The following RHBDD2 variants were observed in gnomAD, a reference collection of about 807,000 sequenced individuals.
RHBDD2 encodes the protein rhomboid domain-containing protein 2.
RHBDD2 carries 13 observed loss-of-function variants against 21.7 expected under a neutral mutation model. The ratio of observed to expected loss-of-function variants is 0.60; its 90% CI spans 0.39 to 0.95. RHBDD2 has a LOEUF of 0.95. Ranked by LOEUF, RHBDD2 falls within the 40% of genes least tolerant of loss-of-function variation. The probability of loss-of-function intolerance (pLI) is 0.00; values close to 1 mark genes in which losing one functional copy is unlikely to be tolerated. For missense variants in RHBDD2, 473 were observed against 478.9 expected, an observed-to-expected ratio of 0.99 and a Z score of 0.11; for synonymous variants, 225 against 220.0, an observed-to-expected ratio of 1.02 and a Z score of -0.20.
intron 1 of RHBDD2, chr7:75,881,338 T>C: frequency 7.8e-7 from 1 of 1,289,660 alleles, no homozygotes; most frequent in South Asian, 1.2e-5. Context: ...AAATAATTCA[T>C]GGTCCCTTTT....
In RHBDD2 at chr7:75,879,194, C is replaced by G; in HGVS notation, c.112C>G (p.Leu38Val). 6.6e-7 allele frequency: 1 copy of G among 1,519,526 alleles called. No homozygotes were observed. The highest frequency in any genetic ancestry group is 8.8e-7 in the Non-Finnish European group (1 of 1,131,948). 94.1% of individuals were successfully genotyped at this position (1,519,526 alleles called of 1,614,324 possible). A position where few individuals can be genotyped will look rare whatever the true frequency, so the allele number is the denominator to read the frequency against. The change falls in exon 1 of 4, where the codon CTG becomes GTG. Residue 38 changes from leucine to valine, a missense_variant. By Grantham distance (32) the Leu-to-Val change is conservative. Transcript: ENST00000006777. ...SLLVSGPRLFLLQQPLAPSGL... is the reference protein window; with the variant it reads ...SLLVSGPRLFVLQQPLAPSGL... ...GCTGGTTTCCGGGCCTCGCCTGTTC[C>G]TGCTGCAGCAGCCCCTGGCGCCCTC...
chr7:75,886,368 G>A (rs1554543869), intron 3 of RHBDD2, among the ~76,000 whole-genome samples: 2 of 149,072 alleles, frequency 1.3e-5, no homozygotes, highest in Admixed American at 1.3e-4. Flanking sequence ...GTACATTTAG[G>A]ACTAGGTGTT....
At position 75,882,136 on chromosome 7, in the gene RHBDD2, G is replaced by A. The variant is rs1445302533; in HGVS notation, c.486G>A (p.Val162=). ...GGGCCCTGGTGTTTGGCATGGTTGT[G>A]CCCTCAGTCCTGGTTCCGTGGCTCC... The part of the protein sequence containing the change: ...MRRALVFGMV[V]PSVLVPWLLL... Residue 162 remains valine (V), a synonymous_variant, in exon 2 of 4, where the codon GTG becomes GTA. Transcript: ENST00000006777. The A allele has an allele frequency of 1.9e-6, 3 of 1,614,076 alleles. No individual in the cohort carries two copies. The African/African-American group carries it at 4.0e-5, about 22-fold the overall frequency.
Position 75,879,057 on chromosome 7 carries a change from G to T in RHBDD2, c.-26G>T. ...GCAGAGGACCGGCAGCCGGCGTCGA[G>T]GCGGGGCGCGGGAACGACGGCGGCC... On this transcript the variant is annotated 5_prime_UTR_variant, in exon 1 of 4. It adds an upstream start codon to the 5' untranslated region. Coordinates refer to ENST00000006777, the MANE Select transcript of RHBDD2 (RefSeq NM_001040456.3). 7.3e-7 allele frequency: 1 copy of T among 1,367,594 alleles called. No individual in the cohort carries two copies. The highest frequency in any genetic ancestry group is 9.5e-7 in the Non-Finnish European group (1 of 1,056,968). The allele number at this position is 1,367,594 out of a possible 1,614,324, so 84.7% of individuals were successfully genotyped here.
At chr7:75,881,449 GCTGTT>G in intron 1 of RHBDD2, 1 of 1,298,870 alleles carries the variant, frequency 7.7e-7, no homozygotes, top group Non-Finnish European at 1.0e-6. Context: ...CCACCCCGAA[GCTGTT>G]ACACTTAATT....
chr7:75,885,691 C>CACCA (rs141912409), intron 3 of RHBDD2, among the ~76,000 whole-genome samples: 1 of 152,188 alleles, frequency 6.6e-6, no homozygotes, highest in East Asian at 1.9e-4. Context: ...GGGGAGGCGG[C>CACCA]ACCACACATT....
At position 75,880,900 on chromosome 7, in the gene RHBDD2, A is replaced by AT. The variant is rs539954256; in HGVS notation, c.179-921dup. Among the ~76,000 whole-genome samples the AT allele has an allele frequency of 4.9e-3, 743 of 151,876 alleles. 3 individuals carry two copies. The highest frequency in any genetic ancestry group is 8.1e-3 in the Non-Finnish European group (551 of 67,978). ...ATCATCACACCTGACTAATTTTTAA[A>AT]TTTTTTTTAAAGACGGGGGTCTCAC... is the stretch of plus-strand genomic sequence containing the variant. On this transcript the variant is annotated intron_variant, in intron 1 of 3. Coordinates refer to ENST00000006777, the MANE Select transcript of RHBDD2 (RefSeq NM_001040456.3).
intron 3 of RHBDD2, among the ~76,000 whole-genome samples, chr7:75,886,870 G>A (rs1357280811): frequency 6.6e-6 from 1 of 151,728 alleles, no homozygotes; most frequent in Admixed American, 6.6e-5. Flanking sequence ...CACAGACACT[G>A]CCACACCCAG....
At chr7:75,885,945 C>T (rs1554543753) in intron 3 of RHBDD2, among the ~76,000 whole-genome samples, 1 of 152,170 alleles carries the variant, frequency 6.6e-6, no homozygotes, top group Non-Finnish European at 1.5e-5. Context: ...CAGCTCACTG[C>T]AACCTCCACC....
chr7:75,881,487 G>T, intron 1 of RHBDD2: 1 of 1,309,296 alleles, frequency 7.6e-7, no homozygotes, highest in Non-Finnish European at 1.0e-6. Flanking sequence ...GCCCAGTGAG[G>T]TAGGTCAGTA....
chr7:75,884,842 G>A (rs1254626253), intron 3 of RHBDD2, among the ~76,000 whole-genome samples: 3 of 152,098 alleles, frequency 2.0e-5, no homozygotes, highest in Admixed American at 6.6e-5. Flanking sequence ...GGCTGGGTGC[G>A]ATGGCTCACG....
Position 75,879,215 on chromosome 7 carries a change from C to T in RHBDD2, c.133C>T (p.Pro45Ser). 1.3e-6 allele frequency: 2 copies of T among 1,522,430 alleles called. No individual in the cohort carries two copies. The highest frequency in any genetic ancestry group is 1.8e-6 in the Non-Finnish European group (2 of 1,133,582). 94.3% of individuals were successfully genotyped at this position (1,522,430 alleles called of 1,614,324 possible). A position where few individuals can be genotyped will look rare whatever the true frequency, so the allele number is the denominator to read the frequency against. ...RLFLLQQPLA[P>S]SGLTLKSEAL... is the part of the protein sequence containing the mutation. ...GTTCCTGCTGCAGCAGCCCCTGGCG[C>T]CCTCGGGCCTCACGCTGAAGTCCGA... Residue 45 changes from proline (P) to serine (S), a missense_variant, in exon 1 of 4, where the codon CCC (proline) becomes TCC (serine). Coordinates refer to ENST00000006777, the MANE Select transcript of RHBDD2 (RefSeq NM_001040456.3).
chr7:75,887,858 C>A, intron 3 of RHBDD2, 134 bp from the exon 4 acceptor site: 1 of 778,476 alleles, frequency 1.3e-6, no homozygotes, highest in Non-Finnish European at 2.2e-6. Flanking sequence ...CTTTCTCCCA[C>A]TTGGTACTTA....
In RHBDD2 at chr7:75,881,851, C is replaced by T; in HGVS notation, c.201C>T (p.Ile67=). 4 of 1,608,730 alleles carry T rather than the reference C, an allele frequency of 2.5e-6. No homozygotes were observed. The highest frequency in any genetic ancestry group is 1.1e-5 in the South Asian group (1 of 90,224). ...CAGTTTACAGGCTGGTAACCTACAT[C>T]TTTGTCTACGAGAATCCCATCTCCC... is the stretch of plus-strand genomic sequence containing the variant. ...NWQVYRLVTY[I]FVYENPISLL... Residue 67 remains isoleucine, a synonymous_variant, in exon 2 of 4, where the codon ATC becomes ATT. Coordinates refer to ENST00000006777, the MANE Select transcript of RHBDD2 (RefSeq NM_001040456.3).
At chr7:75,882,293 G>A (rs1344427842) in intron 2 of RHBDD2, 57 bp downstream of exon 2, 2 of 1,464,646 alleles carry the variant, frequency 1.4e-6, no homozygotes, top group Non-Finnish European at 9.2e-7. Flanking sequence ...GAACCAGGCT[G>A]GAGGGTCTGG....
Position 75,881,955 on chromosome 7 carries a change from T to C in RHBDD2, c.305T>C (p.Phe102Ser), listed in dbSNP as rs1324475063. The C allele has an allele frequency of 6.2e-7, 1 of 1,614,104 alleles. No homozygotes were observed. The highest frequency in any genetic ancestry group is 8.5e-7 in the Non-Finnish European group (1 of 1,180,042). The part of the protein sequence containing the change: ...RTVGTVRHCF[F>S]TVIFAIFSAI... ...GTGGGCACCGTCCGCCACTGCTTCT[T>C]CACCGTGATCTTCGCCATCTTCTCC... The change falls in exon 2 of 4, where the codon TTC becomes TCC. Residue 102 changes from phenylalanine to serine, a missense_variant. Transcript: ENST00000006777.
chr7:75,881,603 G>T, intron 1 of RHBDD2: 2 of 1,166,862 alleles, frequency 1.7e-6, no homozygotes, highest in Non-Finnish European at 2.3e-6. Context: ...GCTAAGAGTT[G>T]CACCAGGCCT....
chr7:75,879,183 C>T lies in RHBDD2; in HGVS notation c.101C>T (p.Pro34Leu). The T allele has an allele frequency of 1.3e-6, 2 of 1,514,688 alleles. No homozygotes were observed. Among genetic ancestry groups the T allele is most frequent in the Non-Finnish European group, 1.8e-6 (2 of 1,129,500 alleles). The allele number at this position is 1,514,688 out of a possible 1,614,324, so 93.8% of individuals were successfully genotyped here. ...TALLSLLVSG[P>L]RLFLLQQPLA... ...CTGCTCTCGCTGCTGGTTTCCGGGC[C>T]TCGCCTGTTCCTGCTGCAGCAGCCC... Residue 34 changes from proline (P) to leucine (L), a missense_variant, in exon 1 of 4, where the codon CCT becomes CTT. Physicochemically the swap from Pro to Leu is moderately conservative, Grantham distance 98 (BLOSUM62 -3). Coordinates refer to ENST00000006777, the MANE Select transcript of RHBDD2 (RefSeq NM_001040456.3).
Position 75,884,323 on chromosome 7 carries a change from GT to G in RHBDD2, c.737+476del, listed in dbSNP as rs1302721955. On this transcript the variant is annotated intron_variant, in intron 3 of 3. Transcript: ENST00000006777. ...TACAGCCTCACACTCGTGGACTCAA[GT>G]GATCCTCCCACCTCAGCCTCCCAAG... Among the ~76,000 whole-genome samples the G allele has an allele frequency of 1.3e-5, 2 of 152,158 alleles. 1 individual carries two copies.
Sources: gnomAD v4.1 joint callset for allele counts (sites outside exome capture counted in the v4.1 genomes callset) on GRCh38, gnomAD v4.1.1 for gene constraint, MANE v1.5 for transcripts, NCBI Gene and HGNC (gene_info 2026-07-23, HGNC 2026-07-21) for gene names.